The following RBM44 variants were observed in gnomAD, a reference collection of about 807,000 sequenced individuals.
RBM44 encodes the protein RNA binding motif protein 44, also known as RNA-binding protein 44.
A neutral mutation model predicts 105.1 loss-of-function variants in RBM44; 66 were observed. That is an observed-to-expected ratio of 0.63 (90% CI 0.52 to 0.77). The LOEUF (loss-of-function observed/expected upper bound fraction) is 0.77. Ranked by LOEUF, RBM44 falls within the 30% of genes least tolerant of loss-of-function variation. The pLI, the probability that RBM44 is intolerant of heterozygous loss-of-function variation, is 0.00. For missense variants in RBM44, 1,122 were observed against 1,207.8 expected (o/e 0.93, Z 1.05); for synonymous variants, 365 against 417.6 (o/e 0.87, Z 1.54).
intron 13 of RBM44, among the ~76,000 whole-genome samples, chr2:237,833,502 T>G (rs931273143): frequency 6.6e-6 from 1 of 152,242 alleles, no homozygotes; most frequent in Non-Finnish European, 1.5e-5. Flanking sequence ...ATACAATTTG[T>G]ATTCATTACA....
At chr2:237,801,335 A>G (rs1022477768) in intron 1 of RBM44, among the ~76,000 whole-genome samples, 6 of 152,160 alleles carry the variant, frequency 3.9e-5, no homozygotes, top group African/African-American at 1.4e-4. Flanking sequence ...ACTTAAATAT[A>G]TACACACAAT....
At chr2:237,802,399 A>G (rs1266669435) in intron 1 of RBM44, among the ~76,000 whole-genome samples, 1 of 152,194 alleles carries the variant, frequency 6.6e-6, no homozygotes, top group Non-Finnish European at 1.5e-5. Context: ...CTAATGCCTG[A>G]TGATCTGAGG....
intron 13 of RBM44, among the ~76,000 whole-genome samples, chr2:237,830,634 T>G (rs2061894039): frequency 6.6e-6 from 1 of 152,226 alleles, no homozygotes; most frequent in African/African-American, 2.4e-5. Context: ...GCATATGGAA[T>G]AGTTCCAGCA....
chr2:237,810,796 G>A (rs917914283), intron 1 of RBM44, among the ~76,000 whole-genome samples: 1 of 152,150 alleles, frequency 6.6e-6, no homozygotes, highest in Non-Finnish European at 1.5e-5. Flanking sequence ...CCTAGCCAGA[G>A]TTCATGGCAT....
rs375838558 is a variant in RBM44, at chr2:237,817,209, G to A, written c.290G>A (p.Ser97Asn). The change falls in exon 3 of 16, where the codon AGT (serine) becomes AAT (asparagine). Residue 97 changes from serine to asparagine, a missense_variant. Ser to Asn is a conservative substitution (Grantham distance 46, BLOSUM62 1). Coordinates refer to ENST00000316997, the MANE Select transcript of RBM44 (RefSeq NM_001080504.3). ...ACAGAGAGTACTCAGTTTCAGTCAA[G>A]TGAACTTGAAGACAGTACTGACTAT... ...TNTESTQFQS[S>N]ELEDSTDYAF... 2 of 1,601,524 alleles carry A rather than the reference G, an allele frequency of 1.2e-6. No individual in the cohort carries two copies. Among genetic ancestry groups the A allele is most frequent in the Admixed American group, 1.8e-5 (1 of 56,860 alleles).
At chr2:237,833,738 G>T (rs1314950402) in intron 13 of RBM44, among the ~76,000 whole-genome samples, 1 of 152,080 alleles carries the variant, frequency 6.6e-6, no homozygotes, top group African/African-American at 2.4e-5. Flanking sequence ...GAGGAATCTG[G>T]TTGAGAAAGC....
intron 1 of RBM44, among the ~76,000 whole-genome samples, chr2:237,812,697 T>TTA (rs1311912026): frequency 3.3e-5 from 5 of 152,178 alleles, no homozygotes; most frequent in African/African-American, 1.2e-4. Context: ...ACCTCAGCTT[T>TTA]TAGGGGTATG....
intron 1 of RBM44, among the ~76,000 whole-genome samples, chr2:237,809,140 A>G (rs1406047033): frequency 6.6e-6 from 1 of 152,234 alleles, no homozygotes; most frequent in African/African-American, 2.4e-5. Context: ...TTTAATTTAC[A>G]TTTTTGACAG....
At chr2:237,799,575 G>A (rs1229116316) in intron 1 of RBM44, among the ~76,000 whole-genome samples, 1 of 152,136 alleles carries the variant, frequency 6.6e-6, no homozygotes. Flanking sequence ...CAGAGTGCTG[G>A]GATTACAGGC....
rs940696774 is a variant in RBM44, at chr2:237,829,209, T to C, written c.2601-8T>C. ...ACAACCTTTTGGTTTTCTGCTCTTA[T>C]GTTTTAGATATGCATCTCTTGCTTT... On this transcript the variant is annotated splice_polypyrimidine_tract_variant and splice_region_variant and intron_variant, in intron 12 of 15. Transcript: ENST00000316997. The C allele has an allele frequency of 6.3e-7, 1 of 1,591,868 alleles. No homozygotes were observed. The highest frequency in any genetic ancestry group is 2.2e-5 in the East Asian group (1 of 44,578).
intron 15 of RBM44, among the ~76,000 whole-genome samples, chr2:237,840,045 C>G (rs368220742): frequency 6.6e-6 from 1 of 151,906 alleles, no homozygotes; most frequent in African/African-American, 2.4e-5. Context: ...GAAAATTAGC[C>G]GAGCATGATA....
chr2:237,822,214 G>A (rs751530449), intron 8 of RBM44, among the ~76,000 whole-genome samples: 9 of 152,056 alleles, frequency 5.9e-5, no homozygotes, highest in Non-Finnish European at 8.8e-5. Flanking sequence ...ATGAGGTAAA[G>A]TAATAATTCA....
In RBM44 at chr2:237,821,221, A is replaced by G; in HGVS notation, c.2064A>G (p.Lys688=). ...TGCCCCCACTGTCACTAGAATCAAA[A>G]TTATTATCTACCTTCTCTACTTTTG... ...EELPPLSLES[K]LLSTFSTFAS... The change falls in exon 6 of 16, where the codon AAA becomes AAG. Residue 688 remains lysine, a synonymous_variant. Transcript: ENST00000316997. The G allele has an allele frequency of 6.2e-7, 1 of 1,606,880 alleles. No homozygotes were observed. The highest frequency in any genetic ancestry group is 8.5e-7 in the Non-Finnish European group (1 of 1,176,502).
In RBM44 at chr2:237,834,308, G is replaced by A; in HGVS notation, c.3063G>A (p.Val1021=). The A allele has an allele frequency of 5.7e-6, 9 of 1,581,212 alleles. No homozygotes were observed. The highest frequency in any genetic ancestry group is 7.7e-6 in the Non-Finnish European group (9 of 1,162,838). Residue 1021 remains valine, a synonymous_variant, in exon 15 of 16, where the codon GTG becomes GTA. Coordinates refer to ENST00000316997, the MANE Select transcript of RBM44 (RefSeq NM_001080504.3). The part of the protein sequence containing the change: ...RDHIINALQE[V]RIRHKGFLNG... ...ATATTATAAATGCACTTCAGGAAGTGAGAATAAGACATAAAGGTTTTCTGA... is the reference window on the plus strand; with the variant it reads ...ATATTATAAATGCACTTCAGGAAGTAAGAATAAGACATAAAGGTTTTCTGA...
intron 10 of RBM44, among the ~76,000 whole-genome samples, chr2:237,826,921 C>G (rs1272799974): frequency 2.0e-5 from 3 of 152,030 alleles, no homozygotes; most frequent in Non-Finnish European, 4.4e-5. Flanking sequence ...TTGGAGTGTC[C>G]TAGAACCAGT....
Position 237,817,181 on chromosome 2 carries a change from AAC to A in RBM44, c.266_267del (p.Thr89ArgfsTer9), listed in dbSNP as rs776165215. ...EPFFSVSQDT[N>X]TESTQFQSSE... is the part of the protein sequence containing the mutation. ...ATTTTTTTCAGTGAGTCAAGATACT[AAC>A]ACAGAGAGTACTCAGTTTCAGTCAA... On this transcript the variant is annotated frameshift_variant, in exon 3 of 16. Coordinates refer to ENST00000316997, the MANE Select transcript of RBM44 (RefSeq NM_001080504.3). LOFTEE classifies it high-confidence loss of function. 4 of 1,604,202 alleles carry A rather than the reference AAC, an allele frequency of 2.5e-6. No individual in the cohort carries two copies. The highest frequency in any genetic ancestry group is 3.4e-6 in the Non-Finnish European group (4 of 1,175,960).
At chr2:237,801,191 G>C (rs1429314912) in intron 1 of RBM44, among the ~76,000 whole-genome samples, 6 of 152,092 alleles carry the variant, frequency 3.9e-5, no homozygotes, top group Admixed American at 6.6e-5. Context: ...GCATGGTGGT[G>C]CATGCCTATA....
rs375510231 is a variant in RBM44, at chr2:237,818,257, A to G, written c.1338A>G (p.Ile446Met). 4.3e-6 allele frequency: 7 copies of G among 1,613,044 alleles called. No individual in the cohort carries two copies. Among genetic ancestry groups the G allele is most frequent in the South Asian group, 1.1e-5 (1 of 91,068 alleles). Reference protein sequence around the residue: ...STTKKTCFHNIGEMCTKSLTD... With the variant: ...STTKKTCFHNMGEMCTKSLTD... Reference sequence around the variant, plus strand: ...CAAAGAAAACATGCTTTCACAATATAGGAGAAATGTGTACTAAATCATTGA... The same window carrying G: ...CAAAGAAAACATGCTTTCACAATATGGGAGAAATGTGTACTAAATCATTGA... The change falls in exon 3 of 16, where the codon ATA becomes ATG. Residue 446 changes from isoleucine to methionine, a missense_variant. Ile to Met is a conservative substitution (Grantham distance 10, BLOSUM62 1). This residue lies in a region of RBM44 where 918 missense variants were observed against 955.3 expected (regional missense o/e 0.96). Coordinates refer to ENST00000316997, the MANE Select transcript of RBM44 (RefSeq NM_001080504.3). This position sits in a 1 kb window ranked among gnomAD's most constrained non-coding sequence, Gnocchi z 4.6.
chr2:237,810,579 T>C (rs977296203), intron 1 of RBM44, among the ~76,000 whole-genome samples: 1 of 152,192 alleles, frequency 6.6e-6, no homozygotes, highest in African/African-American at 2.4e-5. Context: ...AATCAATCAC[T>C]GTAACACAAA....
Sources: allele counts gnomAD v4.1 joint callset (sites outside exome capture counted in the v4.1 genomes callset), GRCh38; gene constraint gnomAD v4.1.1; regional missense constraint gnomAD v4.1.1; non-coding constraint Gnocchi (gnomAD v3.1); transcripts MANE v1.5; gene names NCBI Gene and HGNC (gene_info 2026-07-23, HGNC 2026-07-21).